Variants in DNAJC3 observed in about 807,000 individuals in gnomAD.
DNAJC3 encodes the protein DnaJ heat shock protein family (Hsp40) member C3, also known as dnaJ homolog subfamily C member 3.
A neutral mutation model predicts 68.6 loss-of-function variants in DNAJC3; 38 were observed. The observed-to-expected ratio is 0.55, with a 90% CI of 0.43 to 0.73. DNAJC3 has a LOEUF of 0.73. DNAJC3 is among the 30% of genes least tolerant of loss of function. DNAJC3 has a pLI of 0.00. For synonymous variants in DNAJC3, 203 were observed against 204.0 expected, an observed-to-expected ratio of 1.00 and a Z score of 0.04; for missense variants, 526 against 591.9, an observed-to-expected ratio of 0.89 and a Z score of 1.16.
intron 9 of DNAJC3, among the ~76,000 whole-genome samples, chr13:95,780,991 G>T (rs1426257909): frequency 6.6e-6 from 1 of 152,144 alleles, no homozygotes; most frequent in Non-Finnish European, 1.5e-5. Flanking sequence ...TCAAATGCTG[G>T]TCTGTGCTGG....
chr13:95,757,725 T>C lies in DNAJC3; in HGVS notation c.475T>C (p.Ser159Pro). 1.9e-6 allele frequency: 3 copies of C among 1,583,808 alleles called. No homozygotes were observed. The highest frequency in any genetic ancestry group is 2.6e-6 in the Non-Finnish European group (3 of 1,156,402). Residue 159 changes from serine (S) to proline (P), a missense_variant, in exon 5 of 12, where the codon TCA becomes CCA. Physicochemically the swap from Ser to Pro is moderately conservative, Grantham distance 74. Coordinates refer to ENST00000602402, the MANE Select transcript of DNAJC3 (RefSeq NM_006260.5). ...ATCTGATGAAATGCAGCGTTTGCGTTCACAAGCACTTAACGCTTTTGGAAG... is the reference window on the plus strand; with the variant it reads ...ATCTGATGAAATGCAGCGTTTGCGTCCACAAGCACTTAACGCTTTTGGAAG... ...IKSDEMQRLR[S>P]QALNAFGSGD...
At chr13:95,723,546 A>G (rs1407703586) in intron 3 of DNAJC3, among the ~76,000 whole-genome samples, 180 bp downstream of exon 3, 1 of 152,212 alleles carries the variant, frequency 6.6e-6, no homozygotes, top group Non-Finnish European at 1.5e-5. Flanking sequence ...TCTGTGTGAA[A>G]GAGAACAGCG....
At chr13:95,714,523 G>A (rs1881076387) in intron 2 of DNAJC3, among the ~76,000 whole-genome samples, 1 of 152,084 alleles carries the variant, frequency 6.6e-6, no homozygotes, top group Admixed American at 6.6e-5. Flanking sequence ...TAATAACAGG[G>A]GTTTCTTAAC....
chr13:95,753,385 G>A (rs528494383), intron 4 of DNAJC3, among the ~76,000 whole-genome samples: 2 of 151,828 alleles, frequency 1.3e-5, no homozygotes, highest in Non-Finnish European at 2.9e-5. Flanking sequence ...TTTTAACAAA[G>A]ACTGCAGAAA....
chr13:95,709,931 G>A (rs888225602), intron 2 of DNAJC3, among the ~76,000 whole-genome samples: 4 of 152,106 alleles, frequency 2.6e-5, no homozygotes, highest in African/African-American at 9.7e-5. Flanking sequence ...GAGCCACTGC[G>A]CCCGGCCAGC....
chr13:95,775,168 A>T (rs1473983205), intron 9 of DNAJC3, among the ~76,000 whole-genome samples: 2 of 152,198 alleles, frequency 1.3e-5, no homozygotes, highest in Non-Finnish European at 2.9e-5. Flanking sequence ...GGCCTCAAGC[A>T]GTCCTCCTGC....
At chr13:95,704,285 G>C (rs769132797) in intron 1 of DNAJC3, among the ~76,000 whole-genome samples, 34 of 152,176 alleles carry the variant, frequency 2.2e-4, no homozygotes, top group Non-Finnish European at 4.4e-4. Context: ...AATGAGAGGA[G>C]CCATGCCTGC....
intron 2 of DNAJC3, among the ~76,000 whole-genome samples, chr13:95,714,900 G>A (rs567592351): frequency 3.0e-4 from 46 of 152,090 alleles, no homozygotes; most frequent in Middle Eastern, 6.8e-3. Flanking sequence ...AATTAAAGTC[G>A]GTTTAAATGA....
At chr13:95,715,830 T>C (rs968488239) in intron 2 of DNAJC3, among the ~76,000 whole-genome samples, 2 of 152,022 alleles carry the variant, frequency 1.3e-5, no homozygotes, top group East Asian at 3.9e-4. Flanking sequence ...TTTTAGTTCA[T>C]GTAGAACACA....
intron 9 of DNAJC3, among the ~76,000 whole-genome samples, chr13:95,778,249 T>A (rs1166971481): frequency 2.0e-5 from 3 of 152,182 alleles, no homozygotes; most frequent in Non-Finnish European, 2.9e-5. Context: ...ACATTACACT[T>A]AATAATGTCC....
intron 2 of DNAJC3, among the ~76,000 whole-genome samples, chr13:95,712,695 A>C (rs1401080298): frequency 3.9e-4 from 60 of 151,918 alleles, no homozygotes; most frequent in Admixed American, 3.9e-3. Context: ...TTGTATACCA[A>C]TTTTCTGTCT....
intron 2 of DNAJC3, among the ~76,000 whole-genome samples, chr13:95,721,902 C>T (rs1224427769): frequency 6.6e-6 from 1 of 152,068 alleles, no homozygotes; most frequent in Non-Finnish European, 1.5e-5. Flanking sequence ...GACTGTCCTG[C>T]CGTATAGATT....
In DNAJC3 at chr13:95,785,942, T is replaced by C. The variant is rs1883588341; in HGVS notation, c.1079T>C (p.Ile360Thr). 6.3e-7 allele frequency: 1 copy of C among 1,590,646 alleles called. No individual in the cohort carries two copies. The highest frequency in any genetic ancestry group is 1.4e-5 in the African/African-American group (1 of 73,662). ...TATCTTAAACATATTTTGACAGCTA[T>C]TCAGGATTATGAAACTGCTCAGGAA... ...YLIEEMYDEA[I>T]QDYETAQEHN... is the part of the protein sequence containing the mutation. Residue 360 changes from isoleucine (I) to threonine (T), a missense_variant, in exon 10 of 12, where the codon ATT becomes ACT. Ile to Thr is a moderately conservative substitution (Grantham distance 89, BLOSUM62 -1). Transcript: ENST00000602402.
At chr13:95,725,357 A>G (rs1337754680) in intron 4 of DNAJC3, 105 bp downstream of exon 4, 1 of 751,998 alleles carries the variant, frequency 1.3e-6, no homozygotes, top group East Asian at 3.0e-5. Flanking sequence ...GCTAAGAGTC[A>G]ATAGTCTTAG....
chr13:95,773,156 T>G (rs925456921), intron 9 of DNAJC3, among the ~76,000 whole-genome samples: 5 of 146,350 alleles, frequency 3.4e-5, no homozygotes, highest in East Asian at 1.9e-4. Flanking sequence ...AATTTAGTTT[T>G]TTTTTTTTTT....
intron 1 of DNAJC3, among the ~76,000 whole-genome samples, chr13:95,687,217 T>C (rs971036645): frequency 1.3e-5 from 2 of 152,210 alleles, no homozygotes; most frequent in African/African-American, 4.8e-5. Flanking sequence ...TTTTATACCA[T>C]GGTTTTGTAT....
chr13:95,679,961 GTTAA>G (rs771022325), intron 1 of DNAJC3, among the ~76,000 whole-genome samples: 70 of 152,134 alleles, frequency 4.6e-4, no homozygotes, highest in Non-Finnish European at 9.7e-4. Flanking sequence ...AGATTTTTCT[GTTAA>G]TTGTCATCCA....
chr13:95,722,308 C>T (rs1881347783), intron 2 of DNAJC3, among the ~76,000 whole-genome samples: 1 of 152,162 alleles, frequency 6.6e-6, no homozygotes, highest in South Asian at 2.1e-4. Context: ...TCTTCACCTC[C>T]ATTCTAGTTG....
intron 7 of DNAJC3, among the ~76,000 whole-genome samples, chr13:95,761,085 T>G (rs1882806717): frequency 1.3e-5 from 2 of 152,214 alleles, no homozygotes; most frequent in Non-Finnish European, 2.9e-5. Context: ...AGACTTAAAC[T>G]TGACAATAGT....
Sources: gnomAD v4.1 joint callset for allele counts (sites outside exome capture counted in the v4.1 genomes callset) on GRCh38, gnomAD v4.1.1 for gene constraint, MANE v1.5 for transcripts, NCBI Gene and HGNC (gene_info 2026-07-23, HGNC 2026-07-21) for gene names.